UHRF1: variants seen among roughly 807,000 people sequenced by gnomAD.
The protein encoded by UHRF1 is ubiquitin like with PHD and ring finger domains 1, also known as E3 ubiquitin-protein ligase UHRF1.
A neutral mutation model predicts 96.5 loss-of-function variants in UHRF1; 9 were observed. The ratio of observed to expected loss-of-function variants is 0.09; its 90% CI spans 0.06 to 0.16. The LOEUF (loss-of-function observed/expected upper bound fraction) is 0.16. UHRF1 is among the 10% of genes least tolerant of loss of function. The pLI is 1.00. For synonymous variants in UHRF1, 455 were observed against 469.9 expected (o/e 0.97, Z 0.41); for missense variants, 626 against 1,131.1 (o/e 0.55, Z 6.40).
chr19:4,950,481 C>A, intron 11 of UHRF1, 130 bp from the exon 12 acceptor site: 3 of 954,012 alleles, frequency 3.1e-6, no homozygotes, highest in South Asian at 1.8e-5. Flanking sequence ...TGACTTCAGG[C>A]GATCTGCCTA....
intron 13 of UHRF1, among the ~76,000 whole-genome samples, chr19:4,952,393 CT>C (rs150183272): frequency 0.17 from 14,070 of 81,860 alleles, 687 homozygotes; most frequent in East Asian, 0.28. Flanking sequence ...CGCTCCCAGC[CT>C]TTTTTTTTTT....
chr19:4,918,670 T>C (rs1193967770), intron 2 of UHRF1, among the ~76,000 whole-genome samples: 1 of 148,890 alleles, frequency 6.7e-6, no homozygotes, highest in Non-Finnish European at 1.5e-5. Flanking sequence ...GGCCTCAGCC[T>C]CCCAAAGTGC....
chr19:4,937,146 T>C (rs964790605), intron 5 of UHRF1, among the ~76,000 whole-genome samples: 2 of 152,196 alleles, frequency 1.3e-5, no homozygotes, highest in African/African-American at 2.4e-5. Flanking sequence ...ATTCCCGTTA[T>C]ATAAATGGAA....
At chr19:4,924,055 C>T (rs1479366203) in intron 2 of UHRF1, among the ~76,000 whole-genome samples, 1 of 152,252 alleles carries the variant, frequency 6.6e-6, no homozygotes, top group African/African-American at 2.4e-5. Context: ...CAACCTCCAC[C>T]TCCCAGGTTC....
chr19:4,922,087 C>T (rs2032720194), intron 2 of UHRF1, among the ~76,000 whole-genome samples: 1 of 152,164 alleles, frequency 6.6e-6, no homozygotes, highest in Non-Finnish European at 1.5e-5. Context: ...GCTGGAATTA[C>T]AGGCGTGCGC....
chr19:4,936,621 C>A (rs1490112628), intron 5 of UHRF1, among the ~76,000 whole-genome samples: 3 of 152,020 alleles, frequency 2.0e-5, no homozygotes, highest in Non-Finnish European at 2.9e-5. Context: ...TAAATTTTAC[C>A]TTGCATTGTA....
rs985069179 is a variant in UHRF1, at chr19:4,947,490, C to CTTTTTTTTTTTTTTTTTTTT, written c.1517+289_1517+308dup. 8.6e-5 allele frequency among the ~76,000 whole-genome samples: 5 copies of CTTTTTTTTTTTTTTTTTTTT among 57,860 alleles called. 1 individual carries two copies. The highest frequency in any genetic ancestry group is 1.2e-4 in the Non-Finnish European group (4 of 32,214). 38.0% of individuals were successfully genotyped at this position (57,860 alleles called of 152,430 possible). A position where few individuals can be genotyped will look rare whatever the true frequency, so the allele number is the denominator to read the frequency against. On this transcript the variant is annotated intron_variant, in intron 11 of 16. Transcript: ENST00000650932. ...CTATAAAAGGCCAGATAATAGATAT[C>CTTTTTTTTTTTTTTTTTTTT]TTTTTTTTTTTTTTTTTTTTTTTTT...
At chr19:4,913,148 C>T (rs2146285443) in intron 2 of UHRF1, among the ~76,000 whole-genome samples, 1 of 151,852 alleles carries the variant, frequency 6.6e-6, no homozygotes, top group Non-Finnish European at 1.5e-5. Flanking sequence ...TATCTCCCCT[C>T]ATTTGTAACA....
At chr19:4,912,174 C>A (rs1037459920) in intron 2 of UHRF1, among the ~76,000 whole-genome samples, 1 of 152,154 alleles carries the variant, frequency 6.6e-6, no homozygotes, top group Admixed American at 6.6e-5. Flanking sequence ...CGGGAGGAGG[C>A]GATCTGGAGA....
upstream of UHRF1, among the ~76,000 whole-genome samples, chr19:4,907,159 G>A (rs1376366368): frequency 6.6e-5 from 10 of 152,202 alleles, no homozygotes. Flanking sequence ...ACCCAGGTGG[G>A]AGTACACTGG....
At chr19:4,938,982 T>C (rs2146352077) in intron 5 of UHRF1, among the ~76,000 whole-genome samples, 1 of 151,796 alleles carries the variant, frequency 6.6e-6, no homozygotes, top group African/African-American at 2.4e-5. Context: ...GGCACGATCT[T>C]GGTTCCCTGC....
intron 2 of UHRF1, among the ~76,000 whole-genome samples, chr19:4,913,077 CAG>C (rs1340764836): frequency 6.6e-6 from 1 of 151,976 alleles, no homozygotes; most frequent in African/African-American, 2.4e-5. Flanking sequence ...TATAGTGAAA[CAG>C]ATGTTAGACA....
At chr19:4,915,186 C>T (rs1410935500) in intron 2 of UHRF1, among the ~76,000 whole-genome samples, 1 of 152,224 alleles carries the variant, frequency 6.6e-6, no homozygotes, top group Non-Finnish European at 1.5e-5. Flanking sequence ...ACAGTGATGC[C>T]TCAGGTGTCC....
intron 2 of UHRF1, among the ~76,000 whole-genome samples, chr19:4,914,541 G>A (rs2146289515): frequency 6.6e-6 from 1 of 152,218 alleles, no homozygotes; most frequent in African/African-American, 2.4e-5. Flanking sequence ...TGAATAGGGT[G>A]ACAGTGATGT....
At chr19:4,919,737 C>A (rs1039791471) in intron 2 of UHRF1, among the ~76,000 whole-genome samples, 4 of 152,122 alleles carry the variant, frequency 2.6e-5, no homozygotes, top group Non-Finnish European at 5.9e-5. Context: ...TAGGGACATT[C>A]AACTTCACTA....
chr19:4,944,641 C>T (rs1157688713), intron 9 of UHRF1, among the ~76,000 whole-genome samples, 191 bp downstream of exon 9: 1 of 152,126 alleles, frequency 6.6e-6, no homozygotes, highest in African/African-American at 2.4e-5. Context: ...GCAATGAATC[C>T]TTGGGGGTGG....
intron 11 of UHRF1, among the ~76,000 whole-genome samples, chr19:4,948,818 G>GAA (rs775960161): frequency 1.3e-5 from 2 of 148,988 alleles, no homozygotes; most frequent in Non-Finnish European, 3.0e-5. Context: ...AAGAAAGAAA[G>GAA]AAACTCGTAG....
At position 4,954,949 on chromosome 19, in the gene UHRF1, G is replaced by C. The variant is rs1313096794; in HGVS notation, c.2130+127G>C. The C allele has an allele frequency of 1.6e-6, 2 of 1,227,754 alleles. No homozygotes were observed. The highest frequency in any genetic ancestry group is 1.5e-5 in the African/African-American group (1 of 66,116). 76.1% of individuals were successfully genotyped at this position (1,227,754 alleles called of 1,614,324 possible). ...TCGCACTGAGTACATTCTTGTGGTTGTGCAACCATCACCACCATCACCACC... is the reference window on the plus strand; with the variant it reads ...TCGCACTGAGTACATTCTTGTGGTTCTGCAACCATCACCACCATCACCACC... On this transcript the variant is annotated intron_variant, in intron 15 of 16. Coordinates refer to ENST00000650932, the MANE Select transcript of UHRF1 (RefSeq NM_001048201.3). This position sits in a 1 kb window ranked among gnomAD's most constrained non-coding sequence, Gnocchi z 5.9.
At chr19:4,912,175 G>A (rs935997248) in intron 2 of UHRF1, among the ~76,000 whole-genome samples, 1 of 152,168 alleles carries the variant, frequency 6.6e-6, no homozygotes, top group Non-Finnish European at 1.5e-5. Context: ...GGGAGGAGGC[G>A]ATCTGGAGAA....
Sources: gnomAD v4.1 joint callset for allele counts (sites outside exome capture counted in the v4.1 genomes callset) on GRCh38, gnomAD v4.1.1 for gene constraint, Gnocchi (gnomAD v3.1) non-coding constraint, MANE v1.5 for transcripts, NCBI Gene and HGNC (gene_info 2026-07-23, HGNC 2026-07-21) for gene names.